BBS9: variants seen among roughly 807,000 people sequenced by gnomAD.
BBS9 encodes the protein Bardet-Biedl syndrome 9.
In BBS9, 89 loss-of-function variants were observed where a neutral mutation model predicts 117.7. That is an observed-to-expected ratio of 0.76 (90% CI 0.64 to 0.90). BBS9 has a LOEUF of 0.90. Ranked by LOEUF, BBS9 falls within the 40% of genes least tolerant of loss-of-function variation. The pLI is 0.00. For synonymous variants in BBS9, 379 were observed against 370.9 expected, an observed-to-expected ratio of 1.02 and a Z score of -0.25; for missense variants, 982 against 1,042.2, an observed-to-expected ratio of 0.94 and a Z score of 0.80.
intron 17 of BBS9, among the ~76,000 whole-genome samples, chr7:33,378,476 C>T (rs1824315873): frequency 1.3e-5 from 2 of 152,132 alleles, no homozygotes; most frequent in Non-Finnish European, 2.9e-5. Context: ...TTCTCTGTTA[C>T]TTTATCTTTA....
At chr7:33,399,029 T>C (rs1209322659) in intron 19 of BBS9, among the ~76,000 whole-genome samples, 1 of 152,208 alleles carries the variant, frequency 6.6e-6, no homozygotes, top group Non-Finnish European at 1.5e-5. Context: ...TTTCAACATG[T>C]AGTAAAATTA....
At chr7:33,326,538 T>C (rs1404716206) in intron 9 of BBS9, among the ~76,000 whole-genome samples, 4 of 152,072 alleles carry the variant, frequency 2.6e-5, no homozygotes, top group African/African-American at 9.7e-5. Flanking sequence ...TCTCTCTCCT[T>C]TTCTGAAGCA....
At chr7:33,417,628 A>G (rs1190433067) in intron 19 of BBS9, among the ~76,000 whole-genome samples, 1 of 152,250 alleles carries the variant, frequency 6.6e-6, no homozygotes, top group Non-Finnish European at 1.5e-5. Flanking sequence ...ATAACTGTTT[A>G]GTGGAGTCTG....
intron 9 of BBS9, among the ~76,000 whole-genome samples, chr7:33,327,568 A>G (rs138823669): frequency 0.01 from 1,591 of 152,228 alleles, 19 homozygotes; most frequent in South Asian, 0.012. Flanking sequence ...GTATGTTGGC[A>G]TGCATCTATA....
chr7:33,476,372 G>A (rs1277359466), intron 19 of BBS9, among the ~76,000 whole-genome samples: 2 of 152,170 alleles, frequency 1.3e-5, no homozygotes, highest in Non-Finnish European at 2.9e-5. Flanking sequence ...ATATCTTAGA[G>A]GGATGCAGGC....
chr7:33,218,616 T>G (rs1459127628), intron 5 of BBS9, among the ~76,000 whole-genome samples: 1 of 152,236 alleles, frequency 6.6e-6, no homozygotes, highest in Admixed American at 6.5e-5. Flanking sequence ...ACCACGGGCT[T>G]CTTCTGTGAA....
chr7:33,571,344 T>C (rs1402504318), intron 21 of BBS9, among the ~76,000 whole-genome samples: 10 of 151,364 alleles, frequency 6.6e-5, no homozygotes, highest in Non-Finnish European at 1.5e-4. Context: ...AAGAACAGAA[T>C]AGAATAGAGA....
intron 20 of BBS9, among the ~76,000 whole-genome samples, chr7:33,519,321 G>A (rs1356814507): frequency 3.3e-5 from 5 of 152,158 alleles, no homozygotes; most frequent in Admixed American, 2.0e-4. Flanking sequence ...GGCACCTGAG[G>A]AGTCTTATGT....
chr7:33,435,083 G>C (rs1369707612), intron 19 of BBS9, among the ~76,000 whole-genome samples: 6 of 152,092 alleles, frequency 3.9e-5, no homozygotes, highest in Admixed American at 3.9e-4. Flanking sequence ...CAATTGTATT[G>C]AATTATAAAC....
chr7:33,167,529 G>A (rs1038974878), intron 4 of BBS9, among the ~76,000 whole-genome samples: 1 of 151,398 alleles, frequency 6.6e-6, no homozygotes, highest in African/African-American at 2.4e-5. Context: ...CAGCCTCCTG[G>A]GTGGCTGGGA....
intron 20 of BBS9, among the ~76,000 whole-genome samples, chr7:33,528,827 C>G (rs1001024720): frequency 6.6e-6 from 1 of 152,216 alleles, no homozygotes; most frequent in Non-Finnish European, 1.5e-5. Flanking sequence ...TGTTTTGATT[C>G]ACAGGTGGCA....
At chr7:33,268,136 C>T (rs914975794) in intron 7 of BBS9, among the ~76,000 whole-genome samples, 1 of 152,182 alleles carries the variant, frequency 6.6e-6, no homozygotes, top group Non-Finnish European at 1.5e-5. Context: ...CTGGTGGGCA[C>T]AGGAAATATC....
intron 19 of BBS9, among the ~76,000 whole-genome samples, chr7:33,423,784 C>T (rs1024311909): frequency 6.6e-6 from 1 of 152,108 alleles, no homozygotes; most frequent in Non-Finnish European, 1.5e-5. Flanking sequence ...TCTCTAAAAA[C>T]CTTGTAATTG....
At chr7:33,297,809 A>T (rs17170174) in intron 9 of BBS9, among the ~76,000 whole-genome samples, 21,786 of 152,118 alleles carry the variant, frequency 0.14, 1,847 homozygotes, top group Non-Finnish European at 0.18. Flanking sequence ...AAAATTGAGC[A>T]TAGGACAGAT....
rs370821092 is a variant in BBS9 at position 33,565,616 on chromosome 7, G to A, written c.2521+31440G>A. Among the ~76,000 whole-genome samples the A allele has an allele frequency of 3.0e-4, 45 of 151,236 alleles. No individual in the cohort carries two copies. The South Asian group carries it at 5.4e-3, about 18-fold the overall frequency. The stretch of plus-strand genomic sequence containing the variant: ...TTCTATATTCAGTTCAGAGCTTCTG[G>A]GTTGTGGGTATTGTCTTGCCAGTGA... On this transcript the variant is annotated intron_variant, in intron 21 of 22. Coordinates refer to ENST00000242067, the MANE Select transcript of BBS9 (RefSeq NM_198428.3).
At chr7:33,402,372 G>A in intron 19 of BBS9, among the ~76,000 whole-genome samples, 1 of 152,010 alleles carries the variant, frequency 6.6e-6, no homozygotes, top group East Asian at 1.9e-4. Context: ...TATATAATTT[G>A]CATACCAAAA....
intron 12 of BBS9, among the ~76,000 whole-genome samples, chr7:33,348,657 T>C (rs1818045762): frequency 2.6e-5 from 4 of 152,206 alleles, no homozygotes. Flanking sequence ...AGAGTAGCTG[T>C]ACCAATTTAC....
chr7:33,584,326 A>T (rs557798958), intron 21 of BBS9, among the ~76,000 whole-genome samples: 1 of 152,162 alleles, frequency 6.6e-6, no homozygotes, highest in East Asian at 1.9e-4. Context: ...CCTTTCTAAA[A>T]TATCTTATTA....
intron 5 of BBS9, among the ~76,000 whole-genome samples, chr7:33,254,373 T>A (rs1420152): frequency 0.33 from 50,191 of 152,002 alleles, 8,626 homozygotes; most frequent in Admixed American, 0.46. Context: ...TCAGCATTAT[T>A]GAGATATGAT....
Sources: gnomAD v4.1 joint callset for allele counts (sites outside exome capture counted in the v4.1 genomes callset) on GRCh38, gnomAD v4.1.1 for gene constraint, MANE v1.5 for transcripts, NCBI Gene and HGNC (gene_info 2026-07-23, HGNC 2026-07-21) for gene names.